The following ATP2A2 variants were observed in gnomAD, a reference collection of about 807,000 sequenced individuals.
ATP2A2 encodes the protein sarcoplasmic/endoplasmic reticulum calcium ATPase 2.
Under a neutral mutation model 109.3 loss-of-function variants are expected in ATP2A2, and 14 were observed. That is an observed-to-expected ratio of 0.13 (90% confidence interval 0.08 to 0.20). The LOEUF is 0.20. Among genes scored for constraint, ATP2A2 ranks in the 10% least tolerant of loss-of-function variants. The pLI, the probability that ATP2A2 is intolerant of heterozygous loss-of-function variation, is 1.00. For synonymous variants in ATP2A2, 506 were observed against 490.9 expected, an observed-to-expected ratio of 1.03 and a Z score of -0.41; for missense variants, 657 against 1,321.6, an observed-to-expected ratio of 0.50 and a Z score of 7.80.
At chr12:110,313,705 CT>C (rs137984643) in intron 5 of ATP2A2, among the ~76,000 whole-genome samples, 6,438 of 111,902 alleles carry the variant, frequency 0.058, 235 homozygotes, top group African/African-American at 0.15. Flanking sequence ...GATAATGGAA[CT>C]TTTTTTTTTT....
intron 17 of ATP2A2, 26 bp from the exon 18 acceptor site, chr12:110,345,223 A>G (rs1362251175): frequency 2.5e-6 from 4 of 1,614,118 alleles, no homozygotes; most frequent in Non-Finnish European, 3.4e-6. Context: ...CTGGGCTGAT[A>G]GGAATTTGAT....
At chr12:110,296,794 T>C in intron 5 of ATP2A2, 57 bp downstream of exon 5, 1 of 1,566,106 alleles carries the variant, frequency 6.4e-7, no homozygotes. Flanking sequence ...AATGTAGTCC[T>C]TTTCTCAAGG....
intron 8 of ATP2A2, among the ~76,000 whole-genome samples, chr12:110,328,365 G>A (rs1290315404): frequency 4.0e-5 from 6 of 151,832 alleles, no homozygotes; most frequent in African/African-American, 1.2e-4. Context: ...GAGGTCCGAA[G>A]TTTGAGACCA....
intron 14 of ATP2A2, 118 bp downstream of exon 14, chr12:110,341,112 G>T: frequency 8.8e-7 from 1 of 1,133,218 alleles, no homozygotes; most frequent in South Asian, 1.3e-5. Context: ...TCATGATTTG[G>T]GTCTTTTCTC....
At chr12:110,312,180 C>T (rs962744102) in intron 5 of ATP2A2, among the ~76,000 whole-genome samples, 1 of 151,958 alleles carries the variant, frequency 6.6e-6, no homozygotes, top group South Asian at 2.1e-4. Flanking sequence ...CAGAGTAAAA[C>T]TCTGTCTCCC....
chr12:110,332,418 C>G (rs772294187), intron 8 of ATP2A2, 179 bp from the exon 9 acceptor site: 6 of 643,240 alleles, frequency 9.3e-6, no homozygotes, highest in South Asian at 1.7e-5. Flanking sequence ...TATAATTAAG[C>G]TAGTTAGGGT....
intron 18 of ATP2A2, chr12:110,345,656 C>G: frequency 1.7e-6 from 1 of 583,692 alleles, no homozygotes; most frequent in Non-Finnish European, 3.0e-6. Context: ...CCAGCACCCA[C>G]AGGGAAGGAA....
chr12:110,296,552 GCAGTGT>G, intron 4 of ATP2A2, 41 bp from the exon 5 acceptor site: 1 of 1,611,282 alleles, frequency 6.2e-7, no homozygotes, highest in Non-Finnish European at 8.5e-7. Flanking sequence ...AGAAATAATT[GCAGTGT>G]CAGGCAGGTC....
Position 110,339,028 on chromosome 12 carries a change from A to G in ATP2A2, c.1420-253A>G, listed in dbSNP as rs557867041. ...AATGTCACCGCCTTCTGGCCACTTTATGTAACAGTTCATATGTATGTATGC... is the reference window on the plus strand; with the variant it reads ...AATGTCACCGCCTTCTGGCCACTTTGTGTAACAGTTCATATGTATGTATGC... On this transcript the variant is annotated intron_variant, in intron 11 of 19. Transcript: ENST00000539276. The surrounding 1 kb of genome is among the most constrained non-coding windows in gnomAD (Gnocchi z 4.4). Among the ~76,000 whole-genome samples, 178 of 152,256 alleles carry G rather than the reference A, an allele frequency of 1.2e-3. 1 individual carries two copies. The highest frequency in any genetic ancestry group is 4.1e-3 in the African/African-American group (171 of 41,548).
Position 110,327,465 on chromosome 12 carries a change from A to G in ATP2A2, c.631-88A>G. ...GAAGACCTAGTAGAATGTGTAGAGA[A>G]TCTGGGTGCCCTAGTCAAAAACCAG... On this transcript the variant is annotated intron_variant, in intron 7 of 19. Transcript: ENST00000539276. This position sits in a 1 kb window ranked among gnomAD's most constrained non-coding sequence, Gnocchi z 4.4. 2 of 1,221,184 alleles carry G rather than the reference A, an allele frequency of 1.6e-6. No individual in the cohort carries two copies. The highest frequency in any genetic ancestry group is 2.4e-6 in the Non-Finnish European group (2 of 822,798). 75.6% of individuals were successfully genotyped at this position (1,221,184 alleles called of 1,614,324 possible).
intron 5 of ATP2A2, among the ~76,000 whole-genome samples, chr12:110,309,139 A>ACTTTTTTTTTTTTTTT (rs1875702618): frequency 1.1e-5 from 1 of 95,030 alleles, no homozygotes; most frequent in Non-Finnish European, 2.1e-5. Flanking sequence ...TAAGGAAACT[A>ACTTTTTTTTTTTTTTT]ATTTTTTTTT....
chr12:110,348,353 C>G lies in ATP2A2; in HGVS notation c.*1883C>G. 1.0e-6 allele frequency: 1 copy of G among 985,346 alleles called. No individual in the cohort carries two copies. Among genetic ancestry groups the G allele is most frequent in the Non-Finnish European group, 1.2e-6 (1 of 829,964 alleles). The allele number at this position is 985,346 out of a possible 1,614,324, so 61.0% of individuals were successfully genotyped here. A position where few individuals can be genotyped will look rare whatever the true frequency, so the allele number is the denominator to read the frequency against. ...GCACAGTTAGTAGGACGTGGCTCTG[C>G]ACAGCCCAAAAACCAGCTTACTCCT... On this transcript the variant is annotated 3_prime_UTR_variant, in exon 20 of 20. Coordinates refer to ENST00000539276, the MANE Select transcript of ATP2A2 (RefSeq NM_170665.4).
intron 11 of ATP2A2, among the ~76,000 whole-genome samples, chr12:110,334,805 C>G (rs763780803): frequency 5.9e-5 from 9 of 152,080 alleles, no homozygotes; most frequent in Non-Finnish European, 1.2e-4. Flanking sequence ...CCAGGCTGGT[C>G]TCGAACTCCT....
At chr12:110,293,380 TTTTTTTTTG>T (rs1246679576) in intron 4 of ATP2A2, among the ~76,000 whole-genome samples, 3 of 122,034 alleles carry the variant, frequency 2.5e-5, no homozygotes, top group African/African-American at 1.0e-4. Flanking sequence ...TTTTTTTTTT[TTTTTTTTTG>T]TTTGTTTGTT....
chr12:110,340,016 A>T lies in ATP2A2; in HGVS notation c.1761+295A>T, dbSNP rs969452739. 1.3e-5 allele frequency among the ~76,000 whole-genome samples: 2 copies of T among 152,114 alleles called. No homozygotes were observed. The highest frequency in any genetic ancestry group is 2.4e-5 in the African/African-American group (1 of 41,406). On this transcript the variant is annotated intron_variant, in intron 13 of 19. Coordinates refer to ENST00000539276, the MANE Select transcript of ATP2A2 (RefSeq NM_170665.4). This position sits in a 1 kb window ranked among gnomAD's most constrained non-coding sequence, Gnocchi z 6.0. The stretch of plus-strand genomic sequence containing the variant: ...TCTCATCTAAATCATGATTTTTTTT[A>T]AATTGGTGACATTTCTAGAATATTC...
intron 4 of ATP2A2, among the ~76,000 whole-genome samples, chr12:110,293,864 G>GTGTGTGTGTGTGTGTA (rs1262234570): frequency 2.4e-5 from 2 of 84,860 alleles, no homozygotes; most frequent in African/African-American, 1.3e-4. Flanking sequence ...GTGTGTGTGT[G>GTGTGTGTGTGTGTGTA]TATATATTTT....
chr12:110,321,834 A>G (rs1184263645), intron 5 of ATP2A2, among the ~76,000 whole-genome samples: 1 of 152,200 alleles, frequency 6.6e-6, no homozygotes, highest in Admixed American at 6.5e-5. Flanking sequence ...TACTTGGGCT[A>G]TGTTGTGGAA....
chr12:110,339,212 T>C lies in ATP2A2; in HGVS notation c.1420-69T>C, dbSNP rs1879125193. On this transcript the variant is annotated intron_variant, in intron 11 of 19. Coordinates refer to ENST00000539276, the MANE Select transcript of ATP2A2 (RefSeq NM_170665.4). The surrounding 1 kb of genome is among the most constrained non-coding windows in gnomAD (Gnocchi z 4.4). ...AGCATCTGTCATGTAATAGGTGTGC[T>C]TACTGCTTGTTAGGTAAAAAAGTTC... 2 of 1,593,114 alleles carry C rather than the reference T, an allele frequency of 1.3e-6. No individual in the cohort carries two copies. The highest frequency in any genetic ancestry group is 3.3e-5 in the Admixed American group (2 of 59,964).
intron 5 of ATP2A2, among the ~76,000 whole-genome samples, chr12:110,299,507 GT>G (rs1341297174): frequency 6.6e-6 from 1 of 152,180 alleles, no homozygotes; most frequent in East Asian, 1.9e-4. Context: ...TTTTAAAAAA[GT>G]TTTTGGCAGG....
Sources: allele counts gnomAD v4.1 joint callset (sites outside exome capture counted in the v4.1 genomes callset), GRCh38; gene constraint gnomAD v4.1.1; non-coding constraint Gnocchi (gnomAD v3.1); transcripts MANE v1.5; gene names NCBI Gene and HGNC (gene_info 2026-07-23, HGNC 2026-07-21).